The following OR9Q1 variants were observed in gnomAD, a reference collection of about 807,000 sequenced individuals.
OR9Q1 encodes olfactory receptor family 9 subfamily Q member 1.
For missense variants in OR9Q1, 374 were observed against 378.8 expected (o/e 0.99, Z 0.11); for synonymous variants, 153 against 148.6 (o/e 1.03, Z -0.22).
At chr11:58,037,689 A>ATATATATAGTTTTTTTTTTTTTTTTT (rs1853119570) in intron 1 of OR9Q1, among the ~76,000 whole-genome samples, 1 of 6,998 alleles carries the variant, frequency 1.4e-4, no homozygotes, top group Non-Finnish European at 2.6e-4. Context: ...ATATATATAT[A>ATATATATAGTTTTTTTTTTTTTTTTT]TTTTTTTTTT....
rs143707418 is a variant in OR9Q1, at chr11:58,165,066, GATATA to G, written c.-14-14359_-14-14355del. On this transcript the variant is annotated intron_variant, in intron 2 of 2. Transcript: ENST00000335397. ...TTTTCTGCATAGCACACCACTATCT[GATATA>G]ATATATGTTTTCCTTTTGTGTTATT... 9.1e-3 allele frequency among the ~76,000 whole-genome samples: 1,381 copies of G among 152,266 alleles called. 10 individuals carry two copies. Among genetic ancestry groups the G allele is most frequent in the Middle Eastern group, 0.031 (9 of 294 alleles).
At chr11:58,067,246 C>A (rs1853438771) in intron 2 of OR9Q1, among the ~76,000 whole-genome samples, 1 of 152,014 alleles carries the variant, frequency 6.6e-6, no homozygotes, top group Non-Finnish European at 1.5e-5. Flanking sequence ...CCGTGTTAGC[C>A]CGGGTGGTCT....
intron 2 of OR9Q1, among the ~76,000 whole-genome samples, chr11:58,066,800 C>A (rs1853434373): frequency 6.6e-6 from 1 of 152,104 alleles, no homozygotes; most frequent in Non-Finnish European, 1.5e-5. Flanking sequence ...GGGCCCACAC[C>A]CCATCATCTT....
chr11:58,027,341 T>G (rs1382233346), intron 1 of OR9Q1, among the ~76,000 whole-genome samples: 1 of 152,208 alleles, frequency 6.6e-6, no homozygotes, highest in Non-Finnish European at 1.5e-5. Flanking sequence ...GTGTTCTTTT[T>G]CGCTCATGTA....
At chr11:58,163,088 T>G (rs1854470835) in intron 2 of OR9Q1, among the ~76,000 whole-genome samples, 1 of 152,162 alleles carries the variant, frequency 6.6e-6, no homozygotes, top group Admixed American at 6.5e-5. Context: ...ATTCCTATGG[T>G]GAAAATGAAG....
chr11:58,055,799 C>CAAAAAAAAAA (rs1853321308), intron 1 of OR9Q1, 71 bp from the exon 2 acceptor site: 1 of 21,138 alleles, frequency 4.7e-5, no homozygotes. Flanking sequence ...GACTCTATCT[C>CAAAAAAAAAA]TAAAAAAAAA....
chr11:58,131,718 T>C (rs915252692), intron 2 of OR9Q1, among the ~76,000 whole-genome samples: 2 of 152,052 alleles, frequency 1.3e-5, no homozygotes, highest in African/African-American at 4.8e-5. Context: ...TCACCTAGAC[T>C]TTCAGGGTAT....
chr11:58,082,741 T>TATAATAATA lies in OR9Q1; in HGVS notation c.-15+26817_-15+26825dup, dbSNP rs200062407. On this transcript the variant is annotated intron_variant, in intron 2 of 2. Transcript: ENST00000335397. ...TGCACATGTACCCTAAAACTTAAAGTATAATAATAATAATAATAATAATAA... is the reference window on the plus strand; with the variant it reads ...TGCACATGTACCCTAAAACTTAAAGTATAATAATAATAATAATAATAATAATAATAATAA... Among the ~76,000 whole-genome samples, 92 of 125,494 alleles carry TATAATAATA rather than the reference T, an allele frequency of 7.3e-4. 1 individual carries two copies. The East Asian group carries it at 0.017, about 23-fold the overall frequency. The allele number at this position is 125,494 out of a possible 152,430, so 82.3% of individuals were successfully genotyped here.
chr11:58,115,269 A>G (rs770343198), intron 2 of OR9Q1, among the ~76,000 whole-genome samples: 2 of 152,204 alleles, frequency 1.3e-5, no homozygotes, highest in African/African-American at 2.4e-5. Flanking sequence ...TTTACTTGCA[A>G]TAACAAAAAT....
At position 58,031,451 on chromosome 11, in the gene OR9Q1, T is replaced by A. The variant is rs61748337; in HGVS notation, c.-93+7347T>A. On this transcript the variant is annotated intron_variant, in intron 1 of 2. Transcript: ENST00000335397. ...CACACCCATCTTGCCAATCTACCTC[T>A]TGTCTCAGCTAACATTTTATGGCCC... is the stretch of plus-strand genomic sequence containing the variant. The A allele has an allele frequency of 3.1e-4, 497 of 1,614,178 alleles. 7 individuals carry two copies. The African/African-American group carries it at 5.3e-3, about 17-fold the overall frequency.
chr11:58,068,253 C>A (rs1411655095), intron 2 of OR9Q1, among the ~76,000 whole-genome samples: 1 of 150,872 alleles, frequency 6.6e-6, no homozygotes, highest in African/African-American at 2.4e-5. Flanking sequence ...GAGACTGAGG[C>A]AGGAGAATCA....
chr11:58,101,848 G>C (rs533741007), intron 2 of OR9Q1, among the ~76,000 whole-genome samples: 1 of 152,294 alleles, frequency 6.6e-6, no homozygotes, highest in African/African-American at 2.4e-5. Flanking sequence ...CCAGGTTCAA[G>C]AGATTCTCCT....
chr11:58,160,050 T>C (rs1384697099), intron 2 of OR9Q1, among the ~76,000 whole-genome samples: 2 of 152,228 alleles, frequency 1.3e-5, no homozygotes, highest in African/African-American at 4.8e-5. Context: ...TCACTTTCAC[T>C]TGGAATGTTT....
At chr11:58,053,751 T>C (rs755262361) in intron 1 of OR9Q1, among the ~76,000 whole-genome samples, 34 of 147,028 alleles carry the variant, frequency 2.3e-4, no homozygotes, top group Non-Finnish European at 4.0e-4. Flanking sequence ...TCTTCATGGC[T>C]GAGACACTCT....
intron 2 of OR9Q1, among the ~76,000 whole-genome samples, chr11:58,135,219 C>T (rs2119852186): frequency 6.6e-6 from 1 of 152,234 alleles, no homozygotes; most frequent in African/African-American, 2.4e-5. Flanking sequence ...AATGTATTGC[C>T]AGAAAATATT....
intron 1 of OR9Q1, among the ~76,000 whole-genome samples, chr11:58,026,155 T>A (rs890858622): frequency 6.6e-6 from 1 of 152,194 alleles, no homozygotes; most frequent in Non-Finnish European, 1.5e-5. Context: ...TTGCAACTCA[T>A]TTTGGGTTAG....
chr11:58,140,304 G>A (rs1171073503), intron 2 of OR9Q1, among the ~76,000 whole-genome samples: 3 of 152,204 alleles, frequency 2.0e-5, no homozygotes, highest in South Asian at 4.1e-4. Context: ...GATCCCATTT[G>A]TCAATTTTGG....
intron 2 of OR9Q1, among the ~76,000 whole-genome samples, chr11:58,153,326 G>C (rs1174875095): frequency 6.6e-6 from 1 of 152,170 alleles, no homozygotes; most frequent in Non-Finnish European, 1.5e-5. Flanking sequence ...GGAAGAAACT[G>C]TTCAAAGAGG....
intron 2 of OR9Q1, among the ~76,000 whole-genome samples, chr11:58,128,933 C>T (rs1854115025): frequency 6.6e-6 from 1 of 152,258 alleles, no homozygotes; most frequent in Admixed American, 6.5e-5. Context: ...GAAAGCATGT[C>T]CTGTTAGATT....
Sources: gnomAD v4.1 joint callset for allele counts (sites outside exome capture counted in the v4.1 genomes callset) on GRCh38, gnomAD v4.1.1 for gene constraint, MANE v1.5 for transcripts, NCBI Gene and HGNC (gene_info 2026-07-23, HGNC 2026-07-21) for gene names.